DOCK9: variants seen among roughly 807,000 people sequenced by gnomAD.
DOCK9 encodes dedicator of cytokinesis protein 9.
A neutral mutation model predicts 263.3 loss-of-function variants in DOCK9; 89 were observed. The ratio of observed to expected loss-of-function variants is 0.34; its 90% CI spans 0.28 to 0.40. The LOEUF (loss-of-function observed/expected upper bound fraction) is 0.40. Among genes scored for constraint, DOCK9 ranks in the 10% least tolerant of loss-of-function variants. The pLI is 1.00. For missense variants in DOCK9, 2,140 were observed against 2,603.4 expected, an observed-to-expected ratio of 0.82 and a Z score of 3.87; for synonymous variants, 976 against 973.1, an observed-to-expected ratio of 1.00 and a Z score of -0.06.
intron 1 of DOCK9, among the ~76,000 whole-genome samples, chr13:99,057,944 G>C (rs2041002826): frequency 1.3e-5 from 2 of 152,058 alleles, no homozygotes; most frequent in African/African-American, 4.8e-5. Flanking sequence ...TACTGATTGA[G>C]ACCTAGATTT....
chr13:98,893,571 CT>C (rs544056815), intron 15 of DOCK9, among the ~76,000 whole-genome samples: 27 of 152,248 alleles, frequency 1.8e-4, no homozygotes, highest in African/African-American at 6.3e-4. Flanking sequence ...AGGAAAGTGG[CT>C]TATGAGCTTT....
At chr13:99,052,169 C>T (rs1010755187) in intron 1 of DOCK9, among the ~76,000 whole-genome samples, 11 of 152,194 alleles carry the variant, frequency 7.2e-5, no homozygotes, top group African/African-American at 1.9e-4. Context: ...GGGCACAGCT[C>T]CACAGCCCCT....
intron 2 of DOCK9, among the ~76,000 whole-genome samples, chr13:98,933,871 TTGTTGTTGTTGTTG>T (rs1404209762): frequency 2.0e-4 from 4 of 19,814 alleles, no homozygotes; most frequent in African/African-American, 1.6e-3. Flanking sequence ...GCCTCTGTTG[TTGTTGTTGTTGTTG>T]TTGTTGTTGT....
intron 1 of DOCK9, among the ~76,000 whole-genome samples, chr13:99,069,965 T>C (rs1310798370): frequency 6.6e-6 from 1 of 152,196 alleles, no homozygotes; most frequent in African/African-American, 2.4e-5. Context: ...ACAGAAATAA[T>C]AAAACTATCC....
intron 1 of DOCK9, among the ~76,000 whole-genome samples, chr13:99,004,710 T>C (rs1458089276): frequency 6.6e-6 from 1 of 152,156 alleles, no homozygotes; most frequent in African/African-American, 2.4e-5. Context: ...TCATTCATTG[T>C]TCATTGACAT....
In DOCK9 at chr13:98,949,772, C is replaced by T; in HGVS notation, c.243+5663G>A. On this transcript the variant is annotated intron_variant, in intron 2 of 52. Coordinates refer to ENST00000682017, the MANE Select transcript of DOCK9 (RefSeq NM_001366683.2). ...ATGTGTTCACCCCAGGTGAGGCCAT[C>T]TCCTTGAGGAAGCCCACTCTATTCT... The T allele has an allele frequency of 4.6e-6, 2 of 430,594 alleles. 1 individual carries two copies. The highest frequency in any genetic ancestry group is 3.7e-5 in the South Asian group (2 of 53,814). The allele number at this position is 430,594 out of a possible 1,614,324, so 26.7% of individuals were successfully genotyped here. A position where few individuals can be genotyped will look rare whatever the true frequency, so the allele number is the denominator to read the frequency against.
At position 98,867,937 on chromosome 13, in the gene DOCK9, T is replaced by C; in HGVS notation, c.3165A>G (p.Gly1055=). ...INNYISCFAP[G]DPKTLFEYKF... The stretch of plus-strand genomic sequence containing the variant: ...ACAACCCCCGCACTACCTTTGGGTC[T>C]CCAGGAGCAAAACAGCTAATGTAGT... The change falls in exon 29 of 53, where the codon GGA becomes GGG. Residue 1055 remains glycine (G), a synonymous_variant. Transcript: ENST00000682017. 1.2e-6 allele frequency: 2 copies of C among 1,613,576 alleles called. No individual in the cohort carries two copies. The highest frequency in any genetic ancestry group is 1.7e-6 in the Non-Finnish European group (2 of 1,179,774).
Position 98,826,824 on chromosome 13 carries a change from C to T in DOCK9, c.5023+6G>A, listed in dbSNP as rs765364903. On this transcript the variant is annotated splice_donor_region_variant and intron_variant, in intron 44 of 52. Transcript: ENST00000682017. ...AATTTCACAAAACATGAGAATAATT[C>T]CTTACCTTTCCGTGTGAGATATTCT... The T allele has an allele frequency of 3.4e-5, 54 of 1,603,232 alleles. No individual in the cohort carries two copies. Among genetic ancestry groups the T allele is most frequent in the Non-Finnish European group, 4.6e-5 (54 of 1,174,002 alleles).
intron 1 of DOCK9, among the ~76,000 whole-genome samples, chr13:99,036,931 T>C (rs527715618): frequency 6.6e-6 from 1 of 152,318 alleles, no homozygotes; most frequent in African/African-American, 2.4e-5. Flanking sequence ...TCAGCAAATA[T>C]TTGGACCTAG....
At chr13:99,082,858 A>G (rs2042183231) in intron 1 of DOCK9, among the ~76,000 whole-genome samples, 1 of 152,250 alleles carries the variant, frequency 6.6e-6, no homozygotes, top group Non-Finnish European at 1.5e-5. Context: ...AAGATTGTAC[A>G]GCTGGTGAGG....
chr13:98,871,010 C>T (rs1014916221), intron 27 of DOCK9, among the ~76,000 whole-genome samples: 1 of 152,022 alleles, frequency 6.6e-6, no homozygotes, highest in Admixed American at 6.5e-5. Flanking sequence ...GATCCGGAAG[C>T]AGACAAACCC....
chr13:99,069,476 A>G (rs16956321), intron 1 of DOCK9, among the ~76,000 whole-genome samples: 13,435 of 152,276 alleles, frequency 0.088, 710 homozygotes, highest in African/African-American at 0.15. Flanking sequence ...TTATCTGATT[A>G]CCAATGACAC....
chr13:98,868,339 A>G lies in DOCK9; in HGVS notation c.2982T>C (p.His994=), dbSNP rs562857570. The G allele has an allele frequency of 1.9e-6, 3 of 1,613,758 alleles. No individual in the cohort carries two copies. Among genetic ancestry groups the G allele is most frequent in the East Asian group, 2.2e-5 (1 of 44,876 alleles). ...RNQRFPASYH[H]AVETVVNMLM... ...GCATATTTACAACGGTTTCCACTGC[A>G]TGATGATAGGATGCAGGAAATCTCT... is the stretch of plus-strand genomic sequence containing the variant. The change falls in exon 28 of 53, where the codon CAT becomes CAC. Residue 994 remains histidine (H), a synonymous_variant. Transcript: ENST00000682017.
intron 39 of DOCK9, chr13:98,834,429 CATT>C (rs1168818239): frequency 5.3e-5 from 8 of 152,184 alleles, no homozygotes; most frequent in African/African-American, 1.7e-4. Context: ...CGACCAGGCT[CATT>C]GTTGTGCAAA....
At chr13:98,996,469 C>T (rs543002772) in intron 1 of DOCK9, among the ~76,000 whole-genome samples, 23 of 152,338 alleles carry the variant, frequency 1.5e-4, no homozygotes, top group African/African-American at 5.1e-4. Flanking sequence ...GTATATTTCA[C>T]ATTCCAACTG....
chr13:98,954,068 A>G (rs2057747082), intron 2 of DOCK9, among the ~76,000 whole-genome samples: 1 of 152,182 alleles, frequency 6.6e-6, no homozygotes, highest in Non-Finnish European at 1.5e-5. Flanking sequence ...TTAACATGGA[A>G]GTTTCTAAAG....
chr13:98,899,853 T>C (rs1409692687), intron 13 of DOCK9, among the ~76,000 whole-genome samples: 18 of 152,218 alleles, frequency 1.2e-4, no homozygotes, highest in Non-Finnish European at 7.3e-5. Flanking sequence ...AAGAAACTTA[T>C]TTTTTCCCTT....
intron 48 of DOCK9, among the ~76,000 whole-genome samples, chr13:98,806,812 G>A (rs755723348): frequency 7.2e-5 from 11 of 151,860 alleles, no homozygotes; most frequent in Non-Finnish European, 1.5e-4. Flanking sequence ...GGGAGGCTGA[G>A]GCACAAGAAT....
chr13:98,950,383 T>A, intron 2 of DOCK9: 1 of 924,456 alleles, frequency 1.1e-6, no homozygotes, highest in Non-Finnish European at 1.7e-6. Context: ...GAGGGCTTGA[T>A]AAGCCTTCCT....
Sources: allele counts gnomAD v4.1 joint callset (sites outside exome capture counted in the v4.1 genomes callset), GRCh38; gene constraint gnomAD v4.1.1; transcripts MANE v1.5; gene names NCBI Gene and HGNC (gene_info 2026-07-23, HGNC 2026-07-21).